Variants in USB1 observed in about 807,000 individuals in gnomAD.
The protein encoded by USB1 is U6 snRNA biogenesis phosphodiesterase 1.
A neutral mutation model predicts 29.9 loss-of-function variants in USB1; 21 were observed. That is an observed-to-expected ratio of 0.70 (90% CI 0.50 to 1.01). The LOEUF (loss-of-function observed/expected upper bound fraction) is 1.01, where lower values mean the gene tolerates loss of function less well. Ranked by LOEUF, USB1 falls within the 50% of genes least tolerant of loss-of-function variation. The pLI, the probability that USB1 is intolerant of heterozygous loss-of-function variation, is 0.00. For synonymous variants in USB1, 143 were observed against 134.9 expected, an observed-to-expected ratio of 1.06 and a Z score of -0.42; for missense variants, 330 against 347.1, an observed-to-expected ratio of 0.95 and a Z score of 0.39.
intron 3 of USB1, 51 bp downstream of exon 3, chr16:58,010,163 C>A: frequency 1.2e-6 from 2 of 1,608,492 alleles, no homozygotes; most frequent in Non-Finnish European, 8.5e-7. Context: ...CATGGCTTCT[C>A]CTCCTCTCCT....
intron 6 of USB1, 95 bp downstream of exon 6, chr16:58,019,150 T>C (rs1963685533): frequency 2.3e-6 from 3 of 1,278,608 alleles, no homozygotes; most frequent in Non-Finnish European, 3.3e-6. Flanking sequence ...CAAACCTGAA[T>C]CCCTGGGAAA....
intron 3 of USB1, chr16:58,011,179 G>C (rs1963487542): frequency 6.6e-7 from 1 of 1,511,768 alleles, no homozygotes; most frequent in East Asian, 2.5e-5. Flanking sequence ...AATGACACAG[G>C]TTTTAGGATC....
intron 4 of USB1, chr16:58,017,080 G>A (rs990323257): frequency 4.6e-5 from 23 of 499,542 alleles, no homozygotes; most frequent in African/African-American, 2.9e-4. Context: ...GGGTGAAGGC[G>A]TTCCTGGAAG....
chr16:58,014,945 G>A (rs2142309249), intron 4 of USB1, among the ~76,000 whole-genome samples: 1 of 152,150 alleles, frequency 6.6e-6, no homozygotes, highest in African/African-American at 2.4e-5. Flanking sequence ...GGGTGTGGTG[G>A]CAGGCGCCTG....
chr16:58,014,253 T>C lies in USB1; in HGVS notation c.450-20T>C. The C allele has an allele frequency of 6.2e-7, 1 of 1,604,704 alleles. No individual in the cohort carries two copies. Among genetic ancestry groups the C allele is most frequent in the East Asian group, 2.2e-5 (1 of 44,818 alleles). On this transcript the variant is annotated intron_variant, in intron 3 of 6. Coordinates refer to ENST00000219281, the MANE Select transcript of USB1 (RefSeq NM_024598.4). ...TTTTTTCTTACGATTTTTCCTGAAA[T>C]ATGGTCTTCTAAATTTCAGATTCTT...
At chr16:58,017,013 G>T in intron 4 of USB1, 1 of 384,080 alleles carries the variant, frequency 2.6e-6, no homozygotes, top group South Asian at 2.3e-5. Flanking sequence ...TTTGCGATTG[G>T]AATGATGATG....
chr16:58,011,273 G>T, intron 3 of USB1: 2 of 1,443,192 alleles, frequency 1.4e-6, no homozygotes, highest in Non-Finnish European at 1.8e-6. Flanking sequence ...GTAATGGTGG[G>T]AGCTACCTCA....
In USB1 at chr16:58,017,448, T is replaced by C; in HGVS notation, c.609+9T>C. Reference sequence around the variant, plus strand: ...TCACCACTTTCTACCAGGTAATGAATGGGGCTGCTGCTTCTCCATTGACCC... The same window carrying C: ...TCACCACTTTCTACCAGGTAATGAACGGGGCTGCTGCTTCTCCATTGACCC... On this transcript the variant is annotated intron_variant, in intron 5 of 6. Coordinates refer to ENST00000219281, the MANE Select transcript of USB1 (RefSeq NM_024598.4). The C allele has an allele frequency of 6.2e-7, 1 of 1,608,810 alleles. No individual in the cohort carries two copies. Among genetic ancestry groups the C allele is most frequent in the Non-Finnish European group, 8.5e-7 (1 of 1,175,196 alleles).
chr16:58,009,879 T>C, intron 2 of USB1, 50 bp from the exon 3 acceptor site: 1 of 1,608,686 alleles, frequency 6.2e-7, no homozygotes, highest in Non-Finnish European at 8.5e-7. Context: ...CATTCAGCCA[T>C]GGCACCTTGG....
upstream of USB1, among the ~76,000 whole-genome samples, chr16:58,001,100 G>C (rs528514964): frequency 9.2e-5 from 14 of 152,304 alleles, no homozygotes; most frequent in South Asian, 1.4e-3. Context: ...GCTCGGGGCA[G>C]GCAGGGGTCT....
rs1479693017 is a variant in USB1 at position 58,013,205 on chromosome 16, A to T, written c.450-1068A>T. ...GAGTAGGGGTGGAGAGCCATCCTGC[A>T]ACACGAGGTTACCAGGAGAAGGAGT... On this transcript the variant is annotated intron_variant, in intron 3 of 6. Coordinates refer to ENST00000219281, the MANE Select transcript of USB1 (RefSeq NM_024598.4). The surrounding 1 kb of genome is among the most constrained non-coding windows in gnomAD (Gnocchi z 4.3). 1.0e-6 allele frequency: 1 copy of T among 985,462 alleles called. No individual in the cohort carries two copies. Among genetic ancestry groups the T allele is most frequent in the Non-Finnish European group, 1.2e-6 (1 of 829,966 alleles). 61.0% of individuals were successfully genotyped at this position (985,462 alleles called of 1,614,324 possible). A position where few individuals can be genotyped will look rare whatever the true frequency, so the allele number is the denominator to read the frequency against.
In USB1 at chr16:58,013,732, T is replaced by A; in HGVS notation, c.450-541T>A. On this transcript the variant is annotated intron_variant, in intron 3 of 6. Transcript: ENST00000219281. This position sits in a 1 kb window ranked among gnomAD's most constrained non-coding sequence, Gnocchi z 4.3. ...CTGTTCCAATCCTGGCTCACCAAAT[T>A]CAGCTTCACCATGCCTCTGTTTCTT... 1 of 591,848 alleles carries A rather than the reference T, an allele frequency of 1.7e-6. No homozygotes were observed. Among genetic ancestry groups the A allele is most frequent in the Non-Finnish European group, 2.1e-6 (1 of 468,102 alleles). The allele number at this position is 591,848 out of a possible 1,614,324, so 36.7% of individuals were successfully genotyped here. A position where few individuals can be genotyped will look rare whatever the true frequency, so the allele number is the denominator to read the frequency against.
intron 4 of USB1, chr16:58,015,665 T>G (rs1428814): frequency 0.76 from 114,969 of 151,900 alleles, 43,973 homozygotes; most frequent in Middle Eastern, 0.82. Context: ...TGGTGTGATA[T>G]GGTCAGGAGT....
intron 2 of USB1, 37 bp downstream of exon 2, chr16:58,002,682 T>C (rs1034667855): frequency 6.2e-7 from 1 of 1,612,622 alleles, no homozygotes. Context: ...CCAAGACCCA[T>C]AGACCCGTAG....
chr16:58,010,599 A>G (rs1426751121), intron 3 of USB1: 1 of 199,410 alleles, frequency 5.0e-6, no homozygotes, highest in South Asian at 5.8e-5. Context: ...TGATTTCACT[A>G]CAAATCAGAG....
In USB1 at chr16:58,013,818, CAG is replaced by C. The variant is rs1185222887; in HGVS notation, c.450-452_450-451del. ...CAGAGTTGTGTGAGGATTCGAGAAA[CAG>C]AGTGTGCAAAGGCTTGAGCTCAGCC... On this transcript the variant is annotated intron_variant, in intron 3 of 6. Transcript: ENST00000219281. The surrounding 1 kb of genome is among the most constrained non-coding windows in gnomAD (Gnocchi z 4.3). 5 of 196,378 alleles carry C rather than the reference CAG, an allele frequency of 2.5e-5. No homozygotes were observed. Among genetic ancestry groups the C allele is most frequent in the African/African-American group, 4.7e-5 (2 of 42,120 alleles). 12.2% of individuals were successfully genotyped at this position (196,378 alleles called of 1,614,324 possible). A position where few individuals can be genotyped will look rare whatever the true frequency, so the allele number is the denominator to read the frequency against.
rs906736593 is a variant in USB1 at position 58,013,936 on chromosome 16, T to C, written c.450-337T>C. On this transcript the variant is annotated intron_variant, in intron 3 of 6. Coordinates refer to ENST00000219281, the MANE Select transcript of USB1 (RefSeq NM_024598.4). The surrounding 1 kb of genome is among the most constrained non-coding windows in gnomAD (Gnocchi z 4.3). ...TGCAAGAAATGAATCAGCTGTTAAG[T>C]GGTCCATTATCACCTACTTGATCAA... The C allele has an allele frequency of 3.5e-6, 1 of 285,342 alleles. No individual in the cohort carries two copies. The highest frequency in any genetic ancestry group is 6.7e-6 in the Non-Finnish European group (1 of 148,676). The allele number at this position is 285,342 out of a possible 1,614,324, so 17.7% of individuals were successfully genotyped here.
At chr16:58,010,214 A>T in intron 3 of USB1, 102 bp downstream of exon 3, 2 of 1,405,318 alleles carry the variant, frequency 1.4e-6, no homozygotes, top group Non-Finnish European at 2.0e-6. Flanking sequence ...GGCAGACCTA[A>T]AGATAGAACA....
chr16:58,013,598 T>C lies in USB1; in HGVS notation c.450-675T>C. ...CCTGACTCTTCCCGTGTTATTGATC[T>C]GAGGGGTGGGTGGGTGGGGGCATCT... On this transcript the variant is annotated intron_variant, in intron 3 of 6. Transcript: ENST00000219281. This position sits in a 1 kb window ranked among gnomAD's most constrained non-coding sequence, Gnocchi z 4.3. 5.2e-4 allele frequency: 3 copies of C among 5,778 alleles called. No individual in the cohort carries two copies. Among genetic ancestry groups the C allele is most frequent in the Non-Finnish European group, 7.0e-4 (3 of 4,288 alleles). 0.4% of individuals were successfully genotyped at this position (5,778 alleles called of 1,614,324 possible). A position where few individuals can be genotyped will look rare whatever the true frequency, so the allele number is the denominator to read the frequency against.
Sources: allele counts gnomAD v4.1 joint callset (sites outside exome capture counted in the v4.1 genomes callset), GRCh38; gene constraint gnomAD v4.1.1; non-coding constraint Gnocchi (gnomAD v3.1); transcripts MANE v1.5; gene names NCBI Gene and HGNC (gene_info 2026-07-23, HGNC 2026-07-21).